Variants in DPP10 observed in about 807,000 individuals in gnomAD.
DPP10 encodes inactive dipeptidyl peptidase 10.
A neutral mutation model predicts 120.9 loss-of-function variants in DPP10; 33 were observed. The ratio of observed to expected loss-of-function variants is 0.27; its 90% confidence interval spans 0.21 to 0.37. DPP10 has a LOEUF of 0.37. Ranked by LOEUF, DPP10 falls within the 10% of genes least tolerant of loss-of-function variation. The probability of loss-of-function intolerance (pLI) is 1.00; values close to 1 mark genes in which losing one functional copy is unlikely to be tolerated. For synonymous variants in DPP10, 337 were observed against 326.1 expected, an observed-to-expected ratio of 1.03 and a Z score of -0.36; for missense variants, 816 against 942.8, an observed-to-expected ratio of 0.87 and a Z score of 1.76.
intron 1 of DPP10, among the ~76,000 whole-genome samples, chr2:115,140,893 T>C (rs988811160): frequency 1.4e-4 from 21 of 146,296 alleles, no homozygotes; most frequent in African/African-American, 5.3e-4. Context: ...TAGCTATTCG[T>C]GGACAGATCA....
chr2:115,061,647 A>G (rs1052255608), intron 1 of DPP10, among the ~76,000 whole-genome samples: 3 of 152,198 alleles, frequency 2.0e-5, no homozygotes, highest in African/African-American at 7.2e-5. Flanking sequence ...GATTATAGAG[A>G]GAAATTATAT....
chr2:114,731,138 C>T (rs1046933665), intron 1 of DPP10, among the ~76,000 whole-genome samples: 1 of 151,970 alleles, frequency 6.6e-6, no homozygotes, highest in African/African-American at 2.4e-5. Context: ...TTGGAATTCA[C>T]AGCCTCGTTA....
intron 21 of DPP10, among the ~76,000 whole-genome samples, chr2:115,827,849 G>A (rs1004701908): frequency 1.3e-5 from 2 of 151,478 alleles, no homozygotes; most frequent in East Asian, 2.0e-4. Flanking sequence ...CACAAGCGTC[G>A]GCCTCCCAAA....
intron 1 of DPP10, among the ~76,000 whole-genome samples, chr2:114,980,922 A>G (rs562216192): frequency 6.6e-6 from 1 of 152,130 alleles, no homozygotes; most frequent in Non-Finnish European, 1.5e-5. Flanking sequence ...AAAATATAGT[A>G]TACCTATTCT....
intron 1 of DPP10, among the ~76,000 whole-genome samples, chr2:114,490,417 T>C (rs1681888950): frequency 2.0e-5 from 3 of 152,128 alleles, no homozygotes; most frequent in African/African-American, 7.2e-5. Context: ...ACAGTAATTG[T>C]AGCAGGGGTT....
chr2:115,378,866 A>C (rs1384784634), intron 3 of DPP10, among the ~76,000 whole-genome samples: 1 of 151,990 alleles, frequency 6.6e-6, no homozygotes, highest in East Asian at 1.9e-4. Flanking sequence ...ATTGATTTGC[A>C]TATATTGAAC....
At chr2:115,467,444 G>A (rs970896832) in intron 3 of DPP10, among the ~76,000 whole-genome samples, 1 of 152,020 alleles carries the variant, frequency 6.6e-6, no homozygotes, top group African/African-American at 2.4e-5. Flanking sequence ...GGGTGTGGTG[G>A]TGGGCACTTG....
At chr2:114,980,220 G>T (rs1054144088) in intron 1 of DPP10, among the ~76,000 whole-genome samples, 1 of 152,096 alleles carries the variant, frequency 6.6e-6, no homozygotes, top group Non-Finnish European at 1.5e-5. Context: ...CAATCAGACA[G>T]CCTATATGTG....
chr2:114,447,715 C>T (rs1573373970), intron 1 of DPP10, among the ~76,000 whole-genome samples: 1 of 151,506 alleles, frequency 6.6e-6, no homozygotes, highest in Admixed American at 6.6e-5. Flanking sequence ...AACTCTACAG[C>T]AACTGATTTC....
intron 1 of DPP10, among the ~76,000 whole-genome samples, chr2:114,652,155 G>A (rs1393276421): frequency 1.3e-5 from 2 of 152,120 alleles, no homozygotes; most frequent in Non-Finnish European, 1.5e-5. Flanking sequence ...GAAAGAAGGG[G>A]AAGTGCTGGG....
chr2:114,781,043 C>A (rs1682282088), intron 1 of DPP10, among the ~76,000 whole-genome samples: 1 of 152,146 alleles, frequency 6.6e-6, no homozygotes, highest in South Asian at 2.1e-4. Context: ...ATCTCCCTCT[C>A]TCTCTTTTTG....
At chr2:114,919,367 C>G (rs550236295) in intron 1 of DPP10, among the ~76,000 whole-genome samples, 3 of 151,412 alleles carry the variant, frequency 2.0e-5, no homozygotes, top group African/African-American at 7.2e-5. Flanking sequence ...TCAGTGACTA[C>G]TCCACTAGTT....
chr2:114,736,507 G>T (rs569736460), intron 1 of DPP10, among the ~76,000 whole-genome samples: 2 of 152,190 alleles, frequency 1.3e-5, no homozygotes, highest in East Asian at 3.9e-4. Context: ...ATTGTTTATT[G>T]TTTAGAAAAA....
At chr2:115,469,599 A>G (rs1429887580) in intron 3 of DPP10, among the ~76,000 whole-genome samples, 1 of 152,200 alleles carries the variant, frequency 6.6e-6, no homozygotes, top group Non-Finnish European at 1.5e-5. Context: ...CCCAGGTTCT[A>G]TTAAGACTAG....
intron 1 of DPP10, among the ~76,000 whole-genome samples, chr2:114,804,013 T>C (rs542233168): frequency 6.6e-6 from 1 of 152,186 alleles, no homozygotes; most frequent in South Asian, 2.1e-4. Context: ...ATGGGCCGGG[T>C]CCAGGGTCCC....
At chr2:114,608,758 G>A (rs906199278) in intron 1 of DPP10, among the ~76,000 whole-genome samples, 2 of 151,790 alleles carry the variant, frequency 1.3e-5, no homozygotes, top group Non-Finnish European at 2.9e-5. Flanking sequence ...TGCAGTTGGC[G>A]GGCATTATCC....
intron 1 of DPP10, chr2:115,297,307 T>C (rs776027083): frequency 2.6e-6 from 1 of 391,558 alleles, no homozygotes; most frequent in South Asian, 1.8e-5. Flanking sequence ...AAAGTAATTA[T>C]TAATGGGCAG....
chr2:115,043,899 T>C (rs762809142), intron 1 of DPP10, among the ~76,000 whole-genome samples: 3 of 152,140 alleles, frequency 2.0e-5, no homozygotes, highest in Non-Finnish European at 4.4e-5. Flanking sequence ...TTTTTCTAAT[T>C]TTTAATTTGT....
At chr2:115,090,127 A>G (rs911443639) in intron 1 of DPP10, among the ~76,000 whole-genome samples, 3 of 150,540 alleles carry the variant, frequency 2.0e-5, no homozygotes, top group Non-Finnish European at 4.4e-5. Flanking sequence ...TGAGTGTCAC[A>G]TTTGTGTTAT....
Sources: allele counts gnomAD v4.1 joint callset (sites outside exome capture counted in the v4.1 genomes callset), GRCh38; gene constraint gnomAD v4.1.1; transcripts MANE v1.5; gene names NCBI Gene and HGNC (gene_info 2026-07-23, HGNC 2026-07-21).